Variants in NPAS3 observed in about 807,000 individuals in gnomAD.
NPAS3 encodes the protein neuronal PAS domain-containing protein 3.
A neutral mutation model predicts 73.1 loss-of-function variants in NPAS3; 14 were observed. The ratio of observed to expected loss-of-function variants is 0.19; its 90% CI spans 0.13 to 0.30. The LOEUF (loss-of-function observed/expected upper bound fraction) is 0.30. Ranked by LOEUF, NPAS3 falls within the 10% of genes least tolerant of loss-of-function variation. The pLI, the probability that NPAS3 is intolerant of heterozygous loss-of-function variation, is 1.00. For synonymous variants in NPAS3, 620 were observed against 541.5 expected, an observed-to-expected ratio of 1.14 and a Z score of -2.01; for missense variants, 1,096 against 1,250.0, an observed-to-expected ratio of 0.88 and a Z score of 1.86.
intron 4 of NPAS3, among the ~76,000 whole-genome samples, chr14:33,463,338 A>C (rs2050362348): frequency 6.6e-6 from 1 of 152,194 alleles, no homozygotes; most frequent in South Asian, 2.1e-4. Context: ...CAAATCTTGC[A>C]AATTTGTGTC....
At position 33,379,298 on chromosome 14, in the gene NPAS3, G is replaced by T. The variant is rs10135968; in HGVS notation, c.468+12030G>T. Among the ~76,000 whole-genome samples, 1,377 of 151,426 alleles carry T rather than the reference G, an allele frequency of 9.1e-3. 22 individuals carry two copies. Among genetic ancestry groups the T allele is most frequent in the African/African-American group, 0.031 (1,296 of 41,240 alleles). On this transcript the variant is annotated intron_variant, in intron 4 of 11. Coordinates refer to ENST00000356141, the Ensembl canonical transcript of NPAS3. ...TTCTGGTTCCAAGCTTTTTTCCTGA[G>T]TTGCTATTTTACCAAGCTTTATGGA...
chr14:33,570,366 T>C (rs959991568), intron 5 of NPAS3, among the ~76,000 whole-genome samples: 8 of 152,160 alleles, frequency 5.3e-5, no homozygotes, highest in Non-Finnish European at 1.2e-4. Context: ...TTCAGAGTGC[T>C]GTACAGCAGC....
chr14:33,362,429 C>A (rs1433457212), intron 3 of NPAS3, among the ~76,000 whole-genome samples: 2 of 152,106 alleles, frequency 1.3e-5, no homozygotes, highest in African/African-American at 4.8e-5. Context: ...CTTCTTTGGC[C>A]CTACAGTGAG....
chr14:33,157,812 C>G (rs957480288), intron 2 of NPAS3, among the ~76,000 whole-genome samples: 3 of 152,186 alleles, frequency 2.0e-5, no homozygotes, highest in African/African-American at 7.2e-5. Context: ...GTGACCTTGG[C>G]AAGCTACTTA....
chr14:33,361,007 T>A (rs2045575229), intron 3 of NPAS3, among the ~76,000 whole-genome samples: 1 of 152,136 alleles, frequency 6.6e-6, no homozygotes, highest in Non-Finnish European at 1.5e-5. Context: ...AAGTGTGGGT[T>A]CTCTCACGAA....
intron 2 of NPAS3, among the ~76,000 whole-genome samples, chr14:33,071,976 C>T (rs141571119): frequency 0.019 from 2,870 of 152,144 alleles, 33 homozygotes; most frequent in Non-Finnish European, 0.03. Flanking sequence ...CTGCAATCTC[C>T]GCCTCCCAGG....
chr14:33,503,605 G>A (rs758906357), intron 4 of NPAS3, among the ~76,000 whole-genome samples: 6 of 151,946 alleles, frequency 3.9e-5, no homozygotes, highest in South Asian at 2.1e-4. Flanking sequence ...CGGCAATGGG[G>A]CAAAGCCTTA....
At chr14:33,168,967 T>G (rs893075276) in intron 2 of NPAS3, among the ~76,000 whole-genome samples, 2 of 152,202 alleles carry the variant, frequency 1.3e-5, no homozygotes, top group Middle Eastern at 3.2e-3. Flanking sequence ...GATGAATTCG[T>G]TTTTCAAAAT....
intron 7 of NPAS3, among the ~76,000 whole-genome samples, chr14:33,739,219 C>T (rs557340250): frequency 3.9e-5 from 6 of 152,216 alleles, no homozygotes; most frequent in South Asian, 4.1e-4. Context: ...CTATGACATA[C>T]GCAAACATAT....
chr14:33,172,172 A>G (rs1017955336), intron 2 of NPAS3, among the ~76,000 whole-genome samples: 9 of 152,206 alleles, frequency 5.9e-5, no homozygotes, highest in African/African-American at 2.2e-4. Context: ...AATTACCAAA[A>G]TGTGACACAA....
intron 4 of NPAS3, among the ~76,000 whole-genome samples, chr14:33,512,531 G>A (rs1251943331): frequency 5.9e-5 from 9 of 152,036 alleles, no homozygotes; most frequent in African/African-American, 1.9e-4. Context: ...AAACCTCATG[G>A]CATTTGTGGA....
intron 5 of NPAS3, among the ~76,000 whole-genome samples, chr14:33,660,989 GAA>G (rs2059289613): frequency 6.6e-6 from 1 of 151,342 alleles, no homozygotes; most frequent in African/African-American, 2.4e-5. Context: ...CTTTGAAAGC[GAA>G]GAGTAAAATA....
intron 5 of NPAS3, among the ~76,000 whole-genome samples, chr14:33,596,429 C>T (rs1296543982): frequency 6.6e-6 from 1 of 152,132 alleles, no homozygotes; most frequent in Non-Finnish European, 1.5e-5. Flanking sequence ...CAGCCTTGAC[C>T]CCAGTCATCA....
At chr14:33,303,802 A>G (rs2042648250) in intron 3 of NPAS3, among the ~76,000 whole-genome samples, 2 of 152,268 alleles carry the variant, frequency 1.3e-5, no homozygotes, top group Admixed American at 6.5e-5. Flanking sequence ...AAAAGAAAAT[A>G]AGATGTCTCA....
chr14:33,232,732 A>G (rs1000114006), intron 3 of NPAS3, among the ~76,000 whole-genome samples: 4 of 152,192 alleles, frequency 2.6e-5, no homozygotes, highest in African/African-American at 9.6e-5. Flanking sequence ...AATGAGTCCT[A>G]TAAGTTACTA....
intron 1 of NPAS3, among the ~76,000 whole-genome samples, chr14:32,978,112 T>TG (rs66733846): frequency 0.24 from 34,349 of 144,896 alleles, 4,339 homozygotes; most frequent in East Asian, 0.4. Context: ...AGTGAAGATG[T>TG]GGGGGGGTGA....
At chr14:33,415,918 C>T (rs926913976) in intron 4 of NPAS3, among the ~76,000 whole-genome samples, 2 of 151,920 alleles carry the variant, frequency 1.3e-5, no homozygotes, top group African/African-American at 4.8e-5. Context: ...TTGTTGTTAC[C>T]TATAGTTAAG....
At chr14:33,049,527 A>G (rs1356283599) in intron 1 of NPAS3, among the ~76,000 whole-genome samples, 1 of 152,194 alleles carries the variant, frequency 6.6e-6, no homozygotes, top group Admixed American at 6.5e-5. Context: ...TTATGCAGAG[A>G]AATTCCCATT....
intron 4 of NPAS3, among the ~76,000 whole-genome samples, chr14:33,390,349 A>G (rs1395985053): frequency 1.3e-5 from 2 of 152,196 alleles, no homozygotes; most frequent in Non-Finnish European, 2.9e-5. Flanking sequence ...CCTCCCTGCC[A>G]AAAACAGCAG....
Sources: gnomAD v4.1 joint callset for allele counts (sites outside exome capture counted in the v4.1 genomes callset) on GRCh38, gnomAD v4.1.1 for gene constraint, MANE v1.5 for transcripts, NCBI Gene and HGNC (gene_info 2026-07-23, HGNC 2026-07-21) for gene names.